Variants in PCDHGA4 observed in about 807,000 individuals in gnomAD.
PCDHGA4 encodes the protein protocadherin gamma-A4.
A neutral mutation model predicts 54.6 loss-of-function variants in PCDHGA4; 38 were observed. The ratio of observed to expected loss-of-function variants is 0.70; its 90% CI spans 0.54 to 0.91. The LOEUF is 0.91. Among genes scored for constraint, PCDHGA4 ranks in the 40% least tolerant of loss-of-function variants. The pLI is 0.00. For missense variants in PCDHGA4, 1,298 were observed against 1,220.9 expected, an observed-to-expected ratio of 1.06 and a Z score of -0.94; for synonymous variants, 511 against 512.9, an observed-to-expected ratio of 1.00 and a Z score of 0.05.
At chr5:141,389,745 A>G in intron 1 of PCDHGA4, 1 of 1,612,748 alleles carries the variant, frequency 6.2e-7, no homozygotes, top group Non-Finnish European at 8.5e-7. Context: ...GGGGCTGCGC[A>G]CGGGCGAAGT....
At chr5:141,375,126 T>C (rs752210240) in intron 1 of PCDHGA4, 10 of 1,613,870 alleles carry the variant, frequency 6.2e-6, no homozygotes, top group African/African-American at 2.7e-5. Flanking sequence ...CCAGAAGTGG[T>C]TGTTACATCT....
chr5:141,421,869 A>G lies in PCDHGA4; in HGVS notation c.2514+64248A>G, dbSNP rs200015978. 1.5e-5 allele frequency: 24 copies of G among 1,613,732 alleles called. No individual in the cohort carries two copies. The African/African-American group carries it at 3.1e-4, about 21-fold the overall frequency. ...AGGCTGCTCACCTGCTCCTCCTCAC[A>G]GCTTTAGATGGAGGCGATCCCATCC... On this transcript the variant is annotated intron_variant, in intron 1 of 3. Transcript: ENST00000571252.
chr5:141,485,826 G>A lies in PCDHGA4; in HGVS notation c.2515-8981G>A. The A allele has an allele frequency of 6.2e-7, 1 of 1,614,070 alleles. No individual in the cohort carries two copies. Among genetic ancestry groups the A allele is most frequent in the South Asian group, 1.1e-5 (1 of 91,078 alleles). Reference sequence around the variant, plus strand: ...CTGGTGCTGACTGCTGTCGATGGAGGGAACCCGCCGAGATCTGGCACCGCA... The same window carrying A: ...CTGGTGCTGACTGCTGTCGATGGAGAGAACCCGCCGAGATCTGGCACCGCA... On this transcript the variant is annotated intron_variant, in intron 1 of 3. Transcript: ENST00000571252. The surrounding 1 kb of genome is among the most constrained non-coding windows in gnomAD (Gnocchi z 5.7).
rs1430260899 is a variant in PCDHGA4, at chr5:141,415,763, T to G, written c.2514+58142T>G. On this transcript the variant is annotated intron_variant, in intron 1 of 3. Transcript: ENST00000571252. ...AGGTTTTTTTTTTTTTTTTTTTTTT[T>G]TTTTTTTTTACTTTCTGGTAAAATT... is the stretch of plus-strand genomic sequence containing the variant. The G allele has an allele frequency of 1.1e-5, 15 of 1,398,354 alleles. No homozygotes were observed. The African/African-American group carries it at 2.1e-4, about 19-fold the overall frequency. 86.6% of individuals were successfully genotyped at this position (1,398,354 alleles called of 1,614,324 possible). A position where few individuals can be genotyped will look rare whatever the true frequency, so the allele number is the denominator to read the frequency against.
rs773522759 is a variant in PCDHGA4, at chr5:141,419,457, A to G, written c.2514+61836A>G. The G allele has an allele frequency of 7.4e-6, 12 of 1,612,610 alleles. No homozygotes were observed. The South Asian group carries it at 1.3e-4, about 18-fold the overall frequency. On this transcript the variant is annotated intron_variant, in intron 1 of 3. Transcript: ENST00000571252. ...CTGCGCACCTTCGAGCTCACGCTGC[A>G]GGCCCGCGACCAGGGCTCGCCCGCG...
intron 1 of PCDHGA4, among the ~76,000 whole-genome samples, chr5:141,436,424 T>C (rs2154557109): frequency 6.6e-6 from 1 of 152,322 alleles, no homozygotes; most frequent in Middle Eastern, 3.4e-3. Context: ...AAACAAATAA[T>C]GTACTCTGGG....
intron 1 of PCDHGA4, chr5:141,361,179 T>C: frequency 6.2e-7 from 1 of 1,613,926 alleles, no homozygotes; most frequent in Non-Finnish European, 8.5e-7. Flanking sequence ...CTGAAGTTAT[T>C]GTGACTTCAG....
chr5:141,374,815 G>T, intron 1 of PCDHGA4: 1 of 1,613,934 alleles, frequency 6.2e-7, no homozygotes, highest in Non-Finnish European at 8.5e-7. Context: ...TGTTTACTCA[G>T]CCTGTCTACC....
rs3805699 is a variant in PCDHGA4 at position 141,435,743 on chromosome 5, G to A, written c.2515-59064G>A. Among the ~76,000 whole-genome samples the A allele has an allele frequency of 9.2e-5, 14 of 152,198 alleles. No homozygotes were observed. The East Asian group carries it at 2.1e-3, about 23-fold the overall frequency. ...GCTAAAGTGTATTACTCTTTGAAAA[G>A]CATTGCTTGATTTCTTTTGGTGAAT... is the stretch of plus-strand genomic sequence containing the variant. On this transcript the variant is annotated intron_variant, in intron 1 of 3. Coordinates refer to ENST00000571252, the MANE Select transcript of PCDHGA4 (RefSeq NM_018917.4).
chr5:141,387,421 A>T (rs1379081151), intron 1 of PCDHGA4, among the ~76,000 whole-genome samples: 1 of 152,250 alleles, frequency 6.6e-6, no homozygotes, highest in Non-Finnish European at 1.5e-5. Flanking sequence ...GCTTATGTCA[A>T]TAAATGTTTA....
chr5:141,398,286 C>T (rs1338652897), intron 1 of PCDHGA4: 1 of 1,395,846 alleles, frequency 7.2e-7, no homozygotes, highest in South Asian at 1.3e-5. Context: ...TCGCCACGGA[C>T]CTGGGGTTCA....
At chr5:141,416,674 G>A (rs547618174) in intron 1 of PCDHGA4, 1 of 152,250 alleles carries the variant, frequency 6.6e-6, no homozygotes, top group South Asian at 2.1e-4. Flanking sequence ...TATATGCAAC[G>A]AAGGGAAATT....
At chr5:141,395,389 G>A in intron 1 of PCDHGA4, 1 of 986,786 alleles carries the variant, frequency 1.0e-6, no homozygotes, top group South Asian at 1.8e-5. Context: ...CTATAAAATT[G>A]AACTCTAATA....
In PCDHGA4 at chr5:141,490,175, A is replaced by C; in HGVS notation, c.2515-4632A>C. The C allele has an allele frequency of 1.9e-6, 3 of 1,614,194 alleles. No homozygotes were observed. Among genetic ancestry groups the C allele is most frequent in the East Asian group, 4.5e-5 (2 of 44,884 alleles). On this transcript the variant is annotated intron_variant, in intron 1 of 3. Coordinates refer to ENST00000571252, the MANE Select transcript of PCDHGA4 (RefSeq NM_018917.4). This position sits in a 1 kb window ranked among gnomAD's most constrained non-coding sequence, Gnocchi z 5.4. ...GTGTTGGGTCCCATAGACTTTGAGG[A>C]GTCACGTTTCTATGAAATTCATGCA...
chr5:141,375,055 G>A, intron 1 of PCDHGA4: 1 of 1,614,042 alleles, frequency 6.2e-7, no homozygotes, highest in South Asian at 1.1e-5. Context: ...CCCGGGATGG[G>A]CCAGGTCTTC....
chr5:141,409,149 C>T (rs1248646625), intron 1 of PCDHGA4: 1 of 1,613,948 alleles, frequency 6.2e-7, no homozygotes, highest in Non-Finnish European at 8.5e-7. Context: ...GAAAGGTACA[C>T]CATGGAAGTG....
intron 1 of PCDHGA4, among the ~76,000 whole-genome samples, chr5:141,435,451 CTGTA>C: frequency 6.6e-6 from 1 of 152,258 alleles, no homozygotes; most frequent in Non-Finnish European, 1.5e-5. Context: ...AATACGATAT[CTGTA>C]TGTGTTTCCA....
chr5:141,503,077 TCTC>T (rs1212079220), intron 2 of PCDHGA4, among the ~76,000 whole-genome samples: 1 of 151,810 alleles, frequency 6.6e-6, no homozygotes, highest in African/African-American at 2.4e-5. Flanking sequence ...ATGGTCTCGA[TCTC>T]CTGACCTCGT....
At chr5:141,405,047 G>T (rs754907464) in intron 1 of PCDHGA4, 1 of 1,613,944 alleles carries the variant, frequency 6.2e-7, no homozygotes, top group Non-Finnish European at 8.5e-7. Flanking sequence ...GGCTGTGGCA[G>T]TCGTCTCCTG....
Sources: gnomAD v4.1 joint callset for allele counts (sites outside exome capture counted in the v4.1 genomes callset) on GRCh38, gnomAD v4.1.1 for gene constraint, Gnocchi (gnomAD v3.1) non-coding constraint, MANE v1.5 for transcripts, NCBI Gene and HGNC (gene_info 2026-07-23, HGNC 2026-07-21) for gene names.